THADA: variants seen among roughly 807,000 people sequenced by gnomAD.
The protein encoded by THADA is tRNA (32-2'-O)-methyltransferase regulator THADA.
THADA carries 213 observed loss-of-function variants against 219.8 expected under a neutral mutation model. The observed-to-expected ratio is 0.97, with a 90% confidence interval of 0.87 to 1.09. THADA has a LOEUF of 1.09. Among genes scored for constraint, THADA ranks in the 50% least tolerant of loss-of-function variants. The pLI is 0.00. For missense variants in THADA, 2,956 were observed against 2,311.3 expected (o/e 1.28, Z -5.72); for synonymous variants, 1,018 against 828.9 (o/e 1.23, Z -3.92).
intron 28 of THADA, among the ~76,000 whole-genome samples, chr2:43,427,704 C>G (rs1466160799): frequency 4.0e-5 from 6 of 149,266 alleles, no homozygotes; most frequent in Non-Finnish European, 7.4e-5. Flanking sequence ...TGCCTGTAAT[C>G]CCAGCACTTT....
At chr2:43,578,218 C>A (rs1163911912) in intron 9 of THADA, among the ~76,000 whole-genome samples, 1 of 151,586 alleles carries the variant, frequency 6.6e-6, no homozygotes, top group East Asian at 1.9e-4. Context: ...TCTTATCTCA[C>A]TGCAGCCTTA....
intron 24 of THADA, among the ~76,000 whole-genome samples, chr2:43,500,105 G>C (rs974711938): frequency 2.0e-5 from 3 of 151,998 alleles, no homozygotes; most frequent in African/African-American, 7.3e-5. Flanking sequence ...AGCTAAGACT[G>C]TACCACTCCA....
At chr2:43,508,316 T>A (rs1282748295) in intron 23 of THADA, among the ~76,000 whole-genome samples, 1 of 152,004 alleles carries the variant, frequency 6.6e-6, no homozygotes, top group Non-Finnish European at 1.5e-5. Context: ...TAAAAAAAAA[T>A]ACAGTGGGGT....
intron 36 of THADA, among the ~76,000 whole-genome samples, chr2:43,276,036 A>T (rs1026455236): frequency 2.6e-5 from 4 of 152,250 alleles, no homozygotes; most frequent in Non-Finnish European, 4.4e-5. Context: ...TTGTAGCATT[A>T]GAGCTCTTTC....
In THADA at chr2:43,498,870, T is replaced by A; in HGVS notation, c.3707A>T (p.Lys1236Met). ...TGATGTAAAACCCAGAATTGCAGCC[T>A]TAGCTCCATCAGCAACATAAGGAAT... ...NIIPYVADGA[K>M]AAILGFTSPV... Residue 1236 changes from lysine (K) to methionine (M), a missense_variant, in exon 25 of 38, where the codon AAG becomes ATG. Coordinates refer to ENST00000405975, the MANE Select transcript of THADA (RefSeq NM_022065.5). The A allele has an allele frequency of 1.2e-6, 2 of 1,612,714 alleles. No individual in the cohort carries two copies. The highest frequency in any genetic ancestry group is 1.7e-6 in the Non-Finnish European group (2 of 1,179,430).
chr2:43,399,238 CAAG>C (rs1674479011), intron 28 of THADA, among the ~76,000 whole-genome samples: 1 of 152,252 alleles, frequency 6.6e-6, no homozygotes, highest in African/African-American at 2.4e-5. Flanking sequence ...TCTTAGATCA[CAAG>C]AATAGGGAAG....
rs1302771864 is a variant in THADA at position 43,514,935 on chromosome 2, G to A, written c.3375-6155C>T. Reference sequence around the variant, plus strand: ...ATTTTATGTATAATATATATTTTACGTATATTTTATATATAATATATAATA... The same window carrying A: ...ATTTTATGTATAATATATATTTTACATATATTTTATATATAATATATAATA... On this transcript the variant is annotated intron_variant, in intron 22 of 37. Coordinates refer to ENST00000405975, the MANE Select transcript of THADA (RefSeq NM_022065.5). 1.2e-4 allele frequency among the ~76,000 whole-genome samples: 6 copies of A among 51,108 alleles called. 1 individual carries two copies. The highest frequency in any genetic ancestry group is 3.1e-4 in the African/African-American group (4 of 12,848). 33.5% of individuals were successfully genotyped at this position (51,108 alleles called of 152,430 possible). A position where few individuals can be genotyped will look rare whatever the true frequency, so the allele number is the denominator to read the frequency against.
At chr2:43,368,743 C>G (rs909184889) in intron 29 of THADA, among the ~76,000 whole-genome samples, 1 of 152,218 alleles carries the variant, frequency 6.6e-6, no homozygotes, top group Middle Eastern at 3.4e-3. Flanking sequence ...TTTTAATTTA[C>G]CTATACTGAA....
intron 21 of THADA, among the ~76,000 whole-genome samples, chr2:43,536,465 G>C (rs1243218587): frequency 6.6e-6 from 1 of 152,094 alleles, no homozygotes; most frequent in Admixed American, 6.5e-5. Context: ...GAAAAATACA[G>C]TGATTTCTGT....
At chr2:43,586,380 A>G in intron 7 of THADA, 21 bp downstream of exon 7, 1 of 1,558,352 alleles carries the variant, frequency 6.4e-7, no homozygotes, top group Non-Finnish European at 8.7e-7. Context: ...GCACACACAA[A>G]TGCCAACATA....
chr2:43,481,750 A>T (rs539092189), intron 26 of THADA, among the ~76,000 whole-genome samples: 1 of 152,186 alleles, frequency 6.6e-6, no homozygotes, highest in Non-Finnish European at 1.5e-5. Context: ...AGTTCATGAT[A>T]AGTGCTTTCA....
chr2:43,577,475 A>G (rs1273874083), intron 9 of THADA, among the ~76,000 whole-genome samples: 1 of 150,822 alleles, frequency 6.6e-6, no homozygotes, highest in Non-Finnish European at 1.5e-5. Flanking sequence ...AGCACAACAC[A>G]TCGCCACCTG....
chr2:43,561,236 T>C (rs1167443285), intron 15 of THADA, among the ~76,000 whole-genome samples: 1 of 152,180 alleles, frequency 6.6e-6, no homozygotes, highest in Non-Finnish European at 1.5e-5. Flanking sequence ...TAAAAGATAA[T>C]GGAGCAATGC....
At chr2:43,376,514 G>A (rs1671398563) in intron 29 of THADA, among the ~76,000 whole-genome samples, 1 of 152,178 alleles carries the variant, frequency 6.6e-6, no homozygotes, top group African/African-American at 2.4e-5. Context: ...AGTTACTGAA[G>A]GCCACATGTT....
chr2:43,304,915 A>G (rs1322802125), intron 31 of THADA, among the ~76,000 whole-genome samples: 4 of 151,974 alleles, frequency 2.6e-5, no homozygotes, highest in Non-Finnish European at 5.9e-5. Context: ...CAGGTGATCC[A>G]CCCACCTCGG....
intron 36 of THADA, among the ~76,000 whole-genome samples, chr2:43,236,498 T>C (rs13420649): frequency 0.32 from 48,498 of 152,076 alleles, 11,105 homozygotes; most frequent in African/African-American, 0.65. Flanking sequence ...GCTAGGCTCT[T>C]ACAGGCTGGC....
intron 22 of THADA, among the ~76,000 whole-genome samples, chr2:43,515,357 A>G (rs1574039621): frequency 2.2e-5 from 1 of 46,150 alleles, no homozygotes; most frequent in South Asian, 6.5e-4. Flanking sequence ...TATTTTATAT[A>G]TAATATATAA....
intron 25 of THADA, among the ~76,000 whole-genome samples, chr2:43,491,788 T>C (rs1687669299): frequency 6.6e-6 from 1 of 152,192 alleles, no homozygotes; most frequent in Non-Finnish European, 1.5e-5. Flanking sequence ...TTAATTCCTG[T>C]CATTAAGTAA....
At chr2:43,452,905 C>T (rs920277448) in intron 26 of THADA, among the ~76,000 whole-genome samples, 2 of 152,046 alleles carry the variant, frequency 1.3e-5, no homozygotes, top group Non-Finnish European at 2.9e-5. Context: ...CTAGAATATC[C>T]CTTACTACCC....
Sources: allele counts gnomAD v4.1 joint callset (sites outside exome capture counted in the v4.1 genomes callset), GRCh38; gene constraint gnomAD v4.1.1; transcripts MANE v1.5; gene names NCBI Gene and HGNC (gene_info 2026-07-23, HGNC 2026-07-21).